FRAS1: variants seen among roughly 807,000 people sequenced by gnomAD.
FRAS1 encodes Fraser extracellular matrix complex subunit 1, also known as extracellular matrix organizing protein FRAS1.
FRAS1 carries 290 observed loss-of-function variants against 435.2 expected under a neutral mutation model. The ratio of observed to expected loss-of-function variants is 0.67; its 90% CI spans 0.61 to 0.73. The LOEUF is 0.73. Among genes scored for constraint, FRAS1 ranks in the 30% least tolerant of loss-of-function variants. The pLI, the probability that FRAS1 is intolerant of heterozygous loss-of-function variation, is 0.00. For missense variants in FRAS1, 4,860 were observed against 5,001.5 expected (o/e 0.97, Z 0.85); for synonymous variants, 1,800 against 1,851.0 (o/e 0.97, Z 0.71).
intron 2 of FRAS1, among the ~76,000 whole-genome samples, chr4:78,148,958 G>T (rs1305662193): frequency 6.6e-6 from 1 of 152,184 alleles, no homozygotes; most frequent in African/African-American, 2.4e-5. Flanking sequence ...CCAAGAAATA[G>T]TATTTTTTTA....
chr4:78,430,213 G>A, intron 36 of FRAS1, 79 bp from the exon 37 acceptor site: 1 of 1,562,520 alleles, frequency 6.4e-7, no homozygotes, highest in East Asian at 2.2e-5. Flanking sequence ...CTCCTAGCCT[G>A]GCCTGCGGTT....
chr4:78,254,789 A>C (rs1578209022), intron 5 of FRAS1, among the ~76,000 whole-genome samples: 1 of 152,062 alleles, frequency 6.6e-6, no homozygotes, highest in African/African-American at 2.4e-5. Flanking sequence ...CTTTCTCTCA[A>C]CCTGTCATAT....
intron 28 of FRAS1, 100 bp downstream of exon 28, chr4:78,384,243 A>G (rs1308906516): frequency 1.1e-6 from 1 of 870,616 alleles, no homozygotes; most frequent in African/African-American, 1.7e-5. Flanking sequence ...TATTGCATTA[A>G]ATTAATCTAG....
chr4:78,115,384 G>A (rs912866883), intron 2 of FRAS1, among the ~76,000 whole-genome samples: 1 of 152,082 alleles, frequency 6.6e-6, no homozygotes, highest in African/African-American at 2.4e-5. Flanking sequence ...CTATTGATTG[G>A]AATAGTTTCA....
intron 71 of FRAS1, among the ~76,000 whole-genome samples, chr4:78,535,791 G>A (rs778299352): frequency 2.6e-5 from 4 of 152,018 alleles, no homozygotes; most frequent in Admixed American, 6.5e-5. Context: ...CTACCTTTCC[G>A]CTTAAAACCC....
intron 37 of FRAS1, among the ~76,000 whole-genome samples, chr4:78,432,073 C>T (rs1476012785): frequency 6.6e-6 from 1 of 152,088 alleles, no homozygotes; most frequent in Admixed American, 6.5e-5. Context: ...CAGATTTTAG[C>T]TCAATATGAT....
intron 42 of FRAS1, chr4:78,446,185 G>A: frequency 1.0e-6 from 1 of 999,846 alleles, no homozygotes; most frequent in African/African-American, 1.7e-5. Flanking sequence ...ACACAGGGGA[G>A]GGGAAAGATA....
chr4:78,183,529 C>T (rs889118692), intron 2 of FRAS1, among the ~76,000 whole-genome samples: 21 of 152,116 alleles, frequency 1.4e-4, no homozygotes, highest in African/African-American at 5.1e-4. Flanking sequence ...TCTATGTTGG[C>T]ATTTGACTGT....
chr4:78,149,767 T>A (rs549221372), intron 2 of FRAS1, among the ~76,000 whole-genome samples: 2 of 152,316 alleles, frequency 1.3e-5, no homozygotes, highest in South Asian at 4.1e-4. Flanking sequence ...ATTTAGTCAA[T>A]CTCACACTTC....
At chr4:78,304,634 T>C (rs1469838321) in intron 14 of FRAS1, among the ~76,000 whole-genome samples, 1 of 152,066 alleles carries the variant, frequency 6.6e-6, no homozygotes, top group African/African-American at 2.4e-5. Context: ...TTCTTCTAGA[T>C]TTTCTAGTTT....
intron 2 of FRAS1, among the ~76,000 whole-genome samples, chr4:78,093,944 A>G (rs1312546435): frequency 6.6e-6 from 1 of 151,958 alleles, no homozygotes; most frequent in African/African-American, 2.4e-5. Flanking sequence ...CTGGATCACA[A>G]CTCATCAGTT....
rs1359368742 is a variant in FRAS1, at chr4:78,317,368, T to G, written c.1820T>G (p.Val607Gly). Residue 607 changes from valine to glycine, a missense_variant and splice_region_variant, in exon 17 of 74, where the codon GTT becomes GGT. Physicochemically the swap from Val to Gly is moderately radical, Grantham distance 109 (BLOSUM62 -3). Transcript: ENST00000512123. The part of the protein sequence containing the change: ...YYADATGRCK[V>G]CHNSCASCSG... Reference sequence around the variant, plus strand: ...TTCTCCCTCTCACTCTCTTCCTCAGTTTGTCATAACTCATGTGCCAGCTGC... The same window carrying G: ...TTCTCCCTCTCACTCTCTTCCTCAGGTTGTCATAACTCATGTGCCAGCTGC... 1.2e-6 allele frequency: 2 copies of G among 1,613,690 alleles called. No homozygotes were observed. The highest frequency in any genetic ancestry group is 1.7e-6 in the Non-Finnish European group (2 of 1,179,836).
At chr4:78,382,382 A>G (rs1267411639) in intron 27 of FRAS1, among the ~76,000 whole-genome samples, 1 of 151,968 alleles carries the variant, frequency 6.6e-6, no homozygotes, top group Non-Finnish European at 1.5e-5. Flanking sequence ...TGATGGAAGT[A>G]CCACCCCTGA....
At chr4:78,372,898 T>C in intron 24 of FRAS1, 40 bp downstream of exon 24, 1 of 1,597,328 alleles carries the variant, frequency 6.3e-7, no homozygotes, top group Non-Finnish European at 8.5e-7. Context: ...CAGCCATACC[T>C]TGGCCACCTC....
At chr4:78,085,038 A>G (rs1741079370) in intron 2 of FRAS1, among the ~76,000 whole-genome samples, 1 of 152,146 alleles carries the variant, frequency 6.6e-6, no homozygotes, top group Non-Finnish European at 1.5e-5. Flanking sequence ...TTCAGAGAAT[A>G]AGACTGATAT....
At chr4:78,462,010 G>T (rs1041284089) in intron 47 of FRAS1, among the ~76,000 whole-genome samples, 9 of 152,194 alleles carry the variant, frequency 5.9e-5, no homozygotes, top group African/African-American at 1.9e-4. Context: ...GAAACTTGGG[G>T]TGATGAATTG....
At chr4:78,239,946 TA>T (rs1219594232) in intron 3 of FRAS1, among the ~76,000 whole-genome samples, 1 of 152,238 alleles carries the variant, frequency 6.6e-6, no homozygotes, top group African/African-American at 2.4e-5. Context: ...TTCTTTTTGA[TA>T]CTAACTACTA....
intron 50 of FRAS1, among the ~76,000 whole-genome samples, chr4:78,469,030 G>C (rs1308426519): frequency 1.3e-5 from 2 of 152,164 alleles, no homozygotes; most frequent in Admixed American, 6.5e-5. Flanking sequence ...TGTCTGCACA[G>C]CATCACCACC....
chr4:78,290,023 G>A (rs1194617275), intron 14 of FRAS1, among the ~76,000 whole-genome samples: 1 of 152,066 alleles, frequency 6.6e-6, no homozygotes, highest in Non-Finnish European at 1.5e-5. Context: ...TGCTTGTCTT[G>A]CCCCTCTGTT....
Sources: gnomAD v4.1 joint callset for allele counts (sites outside exome capture counted in the v4.1 genomes callset) on GRCh38, gnomAD v4.1.1 for gene constraint, MANE v1.5 for transcripts, NCBI Gene and HGNC (gene_info 2026-07-23, HGNC 2026-07-21) for gene names.